DBX2: variants seen among roughly 807,000 people sequenced by gnomAD.
The protein encoded by DBX2 is homeobox protein DBX2.
In DBX2, 16 loss-of-function variants were observed where a neutral mutation model predicts 17.7. The observed-to-expected ratio is 0.90, with a 90% CI of 0.61 to 1.37. DBX2 has a LOEUF of 1.37. DBX2 is among the 40% of genes most tolerant of loss of function. The pLI is 0.00. For synonymous variants in DBX2, 255 were observed against 183.8 expected (o/e 1.39, Z -3.13); for missense variants, 538 against 433.8 (o/e 1.24, Z -2.13).
intron 3 of DBX2, 50 bp downstream of exon 3, chr12:45,023,657 T>C: frequency 1.2e-6 from 2 of 1,609,206 alleles, no homozygotes; most frequent in Non-Finnish European, 1.7e-6. Flanking sequence ...TGATTTCATC[T>C]GATCTCAGAA....
intron 1 of DBX2, among the ~76,000 whole-genome samples, chr12:45,041,185 T>A (rs971929290): frequency 6.1e-5 from 9 of 147,940 alleles, no homozygotes; most frequent in Non-Finnish European, 1.3e-4. Flanking sequence ...TAAATAATAA[T>A]TAATAAATAA....
At chr12:45,024,586 G>A (rs942986868) in intron 2 of DBX2, among the ~76,000 whole-genome samples, 24 of 152,204 alleles carry the variant, frequency 1.6e-4, no homozygotes, top group African/African-American at 5.5e-4. Flanking sequence ...TTCTTCATTT[G>A]TTTATTTATT....
chr12:45,027,641 T>C (rs1946388385), intron 2 of DBX2, among the ~76,000 whole-genome samples: 1 of 152,186 alleles, frequency 6.6e-6, no homozygotes, highest in Non-Finnish European at 1.5e-5. Context: ...ATATATATTA[T>C]GTTCACAACT....
intron 2 of DBX2, among the ~76,000 whole-genome samples, chr12:45,035,416 T>C (rs1164858444): frequency 2.0e-5 from 3 of 152,222 alleles, no homozygotes. Context: ...AGTGTGTGTG[T>C]GCACACTGCG....
Position 45,050,895 on chromosome 12 carries a change from A to C in DBX2, c.33T>G (p.Gly11=). Residue 11 remains glycine (G), a synonymous_variant, in exon 1 of 4, where the codon GGT becomes GGG. Transcript: ENST00000332700. MLPSAVAAHA[G]AYWDVVASSA... ...AGGAAGCCACAACGTCCCAGTACGCACCGGCGTGGGCTGCGACCGCGCTGG... is the reference window on the plus strand; with the variant it reads ...AGGAAGCCACAACGTCCCAGTACGCCCCGGCGTGGGCTGCGACCGCGCTGG... 6.6e-7 allele frequency: 1 copy of C among 1,519,472 alleles called. No homozygotes were observed. Among genetic ancestry groups the C allele is most frequent in the South Asian group, 1.2e-5 (1 of 80,086 alleles). 94.1% of individuals were successfully genotyped at this position (1,519,472 alleles called of 1,614,324 possible).
At chr12:45,035,227 G>A (rs1409511090) in intron 2 of DBX2, among the ~76,000 whole-genome samples, 1 of 152,360 alleles carries the variant, frequency 6.6e-6, no homozygotes, top group East Asian at 1.9e-4. Context: ...CTTTTCACCT[G>A]ACAGAGCTGT....
At chr12:45,036,688 T>C (rs1946442921) in intron 1 of DBX2, among the ~76,000 whole-genome samples, 1 of 152,214 alleles carries the variant, frequency 6.6e-6, no homozygotes, top group Non-Finnish European at 1.5e-5. Flanking sequence ...TTTATATCTC[T>C]TTGCTTATTT....
chr12:45,048,031 G>T (rs1349504884), intron 1 of DBX2, among the ~76,000 whole-genome samples: 2 of 152,156 alleles, frequency 1.3e-5, no homozygotes, highest in African/African-American at 4.8e-5. Flanking sequence ...AACTGATTAT[G>T]CCAATGGCCT....
chr12:45,018,341 G>GA (rs1444118136), intron 3 of DBX2, among the ~76,000 whole-genome samples: 13 of 151,988 alleles, frequency 8.6e-5, no homozygotes. Flanking sequence ...ATATCTCAAA[G>GA]AAAAAATACA....
chr12:45,015,161 A>G lies in DBX2; in HGVS notation c.*1125T>C, dbSNP rs1489053972. The G allele has an allele frequency of 2.6e-5, 4 of 152,252 alleles. No individual in the cohort carries two copies. The highest frequency in any genetic ancestry group is 9.6e-5 in the African/African-American group (4 of 41,466). 9.4% of individuals were successfully genotyped at this position (152,252 alleles called of 1,614,324 possible). A position where few individuals can be genotyped will look rare whatever the true frequency, so the allele number is the denominator to read the frequency against. ...ATCGTTACCAGAAATGCAATTTTAG[A>G]AAGATACAATTTCAGGGTAGTCAAA... On this transcript the variant is annotated 3_prime_UTR_variant, in exon 4 of 4. Coordinates refer to ENST00000332700, the MANE Select transcript of DBX2 (RefSeq NM_001004329.3).
At chr12:45,028,389 G>GA (rs1247466975) in intron 2 of DBX2, among the ~76,000 whole-genome samples, 2 of 151,306 alleles carry the variant, frequency 1.3e-5, no homozygotes, top group Admixed American at 6.6e-5. Context: ...TATGGTAACA[G>GA]AAAAAATATG....
rs554041885 is a variant in DBX2 at position 45,022,054 on chromosome 12, G to A, written c.687+1653C>T. Among the ~76,000 whole-genome samples, 7 of 152,196 alleles carry A rather than the reference G, an allele frequency of 4.6e-5. No individual in the cohort carries two copies. The East Asian group carries it at 1.4e-3, about 29-fold the overall frequency. ...TCTGTTATATACACAAAACTGCTTTGTGATATAGACAGAATTCCTATATTT... is the reference window on the plus strand; with the variant it reads ...TCTGTTATATACACAAAACTGCTTTATGATATAGACAGAATTCCTATATTT... On this transcript the variant is annotated intron_variant, in intron 3 of 3. Transcript: ENST00000332700.
chr12:45,050,108 T>C (rs1946521221), intron 1 of DBX2, among the ~76,000 whole-genome samples: 3 of 152,256 alleles, frequency 2.0e-5, no homozygotes, highest in African/African-American at 7.2e-5. Flanking sequence ...GCTCTCCTTG[T>C]CAAGAACTTT....
intron 3 of DBX2, among the ~76,000 whole-genome samples, chr12:45,020,688 TATAC>T (rs1482934876): frequency 3.3e-5 from 5 of 149,612 alleles, no homozygotes; most frequent in African/African-American, 1.2e-4. Context: ...TATATATATA[TATAC>T]ACACACACAC....
intron 2 of DBX2, among the ~76,000 whole-genome samples, chr12:45,026,476 A>G (rs376959259): frequency 1.3e-5 from 2 of 152,224 alleles, no homozygotes; most frequent in African/African-American, 4.8e-5. Flanking sequence ...AATGAAACTT[A>G]GGAAGGTTAA....
Position 45,051,025 on chromosome 12 carries a change from C to A in DBX2, c.-98G>T. The A allele has an allele frequency of 7.7e-7, 1 of 1,295,126 alleles. No individual in the cohort carries two copies. The highest frequency in any genetic ancestry group is 2.5e-5 in the South Asian group (1 of 40,138). 80.2% of individuals were successfully genotyped at this position (1,295,126 alleles called of 1,614,324 possible). Reference sequence around the variant, plus strand: ...CAGAGCCGCAGCTTCTCGCCGCCGCCTCCCGCAGGGCTGGAGCGCGCGGAG... The same window carrying A: ...CAGAGCCGCAGCTTCTCGCCGCCGCATCCCGCAGGGCTGGAGCGCGCGGAG... On this transcript the variant is annotated 5_prime_UTR_variant, in exon 1 of 4. In the 5' UTR this introduces an upstream ATG that the reference lacks. Coordinates refer to ENST00000332700, the MANE Select transcript of DBX2 (RefSeq NM_001004329.3).
intron 3 of DBX2, 82 bp downstream of exon 3, chr12:45,023,625 G>T: frequency 6.6e-7 from 1 of 1,523,446 alleles, no homozygotes; most frequent in East Asian, 2.3e-5. Flanking sequence ...AGTTGCCTAC[G>T]GCCCACCACC....
intron 1 of DBX2, among the ~76,000 whole-genome samples, chr12:45,049,225 T>G (rs1315153068): frequency 6.6e-6 from 1 of 152,246 alleles, no homozygotes; most frequent in South Asian, 2.1e-4. Flanking sequence ...CCAAAAGTTA[T>G]GCAAATCAAC....
At chr12:45,033,966 G>A (rs1199190965) in intron 2 of DBX2, among the ~76,000 whole-genome samples, 1 of 152,108 alleles carries the variant, frequency 6.6e-6, no homozygotes, top group Non-Finnish European at 1.5e-5. Flanking sequence ...AAGCAGCAGA[G>A]AAGATAAAGT....
Sources: allele counts gnomAD v4.1 joint callset (sites outside exome capture counted in the v4.1 genomes callset), GRCh38; gene constraint gnomAD v4.1.1; transcripts MANE v1.5; gene names NCBI Gene and HGNC (gene_info 2026-07-23, HGNC 2026-07-21).